UBE2E2: variants seen among roughly 807,000 people sequenced by gnomAD.
UBE2E2 encodes the protein ubiquitin-conjugating enzyme E2 E2.
Under a neutral mutation model 24.7 loss-of-function variants are expected in UBE2E2, and 6 were observed. The ratio of observed to expected loss-of-function variants is 0.24; its 90% CI spans 0.13 to 0.48. UBE2E2 has a LOEUF of 0.48. Among genes scored for constraint, UBE2E2 ranks in the 20% least tolerant of loss-of-function variants. The pLI, the probability that UBE2E2 is intolerant of heterozygous loss-of-function variation, is 0.99. For synonymous variants in UBE2E2, 104 were observed against 83.6 expected (o/e 1.24, Z -1.33); for missense variants, 169 against 245.0 (o/e 0.69, Z 2.07).
At chr3:23,209,041 A>G (rs1188932718) in intron 2 of UBE2E2, among the ~76,000 whole-genome samples, 166 bp downstream of exon 2, 1 of 152,144 alleles carries the variant, frequency 6.6e-6, no homozygotes, top group Non-Finnish European at 1.5e-5. Flanking sequence ...ACCATAGGGA[A>G]CTTCAGTATT....
At position 23,523,824 on chromosome 3, in the gene UBE2E2, G is replaced by C. The variant is rs1024213609; in HGVS notation, c.361-8730G>C. On this transcript the variant is annotated intron_variant, in intron 4 of 5. Coordinates refer to ENST00000396703, the MANE Select transcript of UBE2E2 (RefSeq NM_152653.4). Reference sequence around the variant, plus strand: ...AGAGCACTTGAAATCTCAAAGAGGGGATTTTTTTTTTTTATGTATACTAAC... The same window carrying C: ...AGAGCACTTGAAATCTCAAAGAGGGCATTTTTTTTTTTTATGTATACTAAC... Among the ~76,000 whole-genome samples, 15 of 98,324 alleles carry C rather than the reference G, an allele frequency of 1.5e-4. No individual in the cohort carries two copies. In the East Asian group the frequency reaches 4.1e-3, roughly 27 times the overall value. The allele number at this position is 98,324 out of a possible 152,430, so 64.5% of individuals were successfully genotyped here.
intron 3 of UBE2E2, among the ~76,000 whole-genome samples, chr3:23,364,072 A>G (rs1201715729): frequency 6.6e-6 from 1 of 152,170 alleles, no homozygotes; most frequent in Non-Finnish European, 1.5e-5. Flanking sequence ...TTAAGGCAGA[A>G]ACCAAGTACA....
chr3:23,255,032 G>A (rs1697676963), intron 3 of UBE2E2, among the ~76,000 whole-genome samples: 1 of 148,338 alleles, frequency 6.7e-6, no homozygotes, highest in Non-Finnish European at 1.5e-5. Flanking sequence ...GCCATCTTAA[G>A]AACAGTTCGT....
intron 3 of UBE2E2, among the ~76,000 whole-genome samples, chr3:23,326,770 C>T (rs1694902179): frequency 6.6e-6 from 1 of 152,166 alleles, no homozygotes; most frequent in East Asian, 1.9e-4. Flanking sequence ...GTGCGCTGCA[C>T]CCATTAACTC....
chr3:23,355,101 T>C (rs1695902548), intron 3 of UBE2E2, among the ~76,000 whole-genome samples: 1 of 151,458 alleles, frequency 6.6e-6, no homozygotes, highest in South Asian at 2.1e-4. Context: ...AAATTGGAAA[T>C]CATCATTCTC....
At chr3:23,268,705 T>C (rs1213385151) in intron 3 of UBE2E2, among the ~76,000 whole-genome samples, 1 of 149,654 alleles carries the variant, frequency 6.7e-6, no homozygotes, top group East Asian at 2.0e-4. Context: ...AAAACTACTT[T>C]AAAGTTCATA....
chr3:23,586,890 A>G (rs1018989342), intron 5 of UBE2E2, among the ~76,000 whole-genome samples: 12 of 141,016 alleles, frequency 8.5e-5, no homozygotes, highest in Non-Finnish European at 1.4e-4. Context: ...TTACAAAAGC[A>G]GACTATAAAT....
At chr3:23,458,429 T>TG (rs1390149541) in intron 3 of UBE2E2, among the ~76,000 whole-genome samples, 20 of 73,198 alleles carry the variant, frequency 2.7e-4, no homozygotes, top group African/African-American at 6.7e-4. Context: ...TGGTGGTGGT[T>TG]GTTGTTGTTT....
chr3:23,531,509 G>A (rs1695122495), intron 4 of UBE2E2, among the ~76,000 whole-genome samples: 1 of 152,138 alleles, frequency 6.6e-6, no homozygotes, highest in Admixed American at 6.5e-5. Flanking sequence ...CAGTTGAAGT[G>A]TTTTACAAAT....
chr3:23,268,036 G>C (rs1482810555), intron 3 of UBE2E2, among the ~76,000 whole-genome samples: 3 of 151,458 alleles, frequency 2.0e-5, no homozygotes, highest in Non-Finnish European at 3.0e-5. Flanking sequence ...CAATAAATTA[G>C]GTATTGATGG....
chr3:23,392,245 A>G (rs1696956106), intron 3 of UBE2E2, among the ~76,000 whole-genome samples: 1 of 152,216 alleles, frequency 6.6e-6, no homozygotes, highest in South Asian at 2.1e-4. Context: ...TTATGCTAGC[A>G]CACTCAACCA....
chr3:23,454,871 G>A (rs1698641782), intron 3 of UBE2E2, among the ~76,000 whole-genome samples: 1 of 152,114 alleles, frequency 6.6e-6, no homozygotes, highest in African/African-American at 2.4e-5. Flanking sequence ...TTTGAACTTT[G>A]CATAGAAAAT....
chr3:23,392,552 T>A (rs1022365298), intron 3 of UBE2E2, among the ~76,000 whole-genome samples: 7 of 152,130 alleles, frequency 4.6e-5, no homozygotes, highest in Non-Finnish European at 1.0e-4. Flanking sequence ...ATTAAGAGCA[T>A]CTACCTTATG....
intron 5 of UBE2E2, among the ~76,000 whole-genome samples, chr3:23,568,734 CATAT>C (rs147246103): frequency 3.8e-5 from 5 of 131,410 alleles, no homozygotes; most frequent in Middle Eastern, 3.6e-3. Context: ...TATATGTATA[CATAT>C]ATATATATAT....
At chr3:23,242,155 C>G (rs1559452894) in intron 3 of UBE2E2, among the ~76,000 whole-genome samples, 1 of 152,074 alleles carries the variant, frequency 6.6e-6, no homozygotes, top group African/African-American at 2.4e-5. Flanking sequence ...GACCTCCTGC[C>G]TTGACCTCCC....
chr3:23,575,478 A>G (rs1219222074), intron 5 of UBE2E2, among the ~76,000 whole-genome samples: 4 of 152,166 alleles, frequency 2.6e-5, no homozygotes, highest in South Asian at 2.1e-4. Context: ...GTGTTCCTTC[A>G]TATTAGAAAA....
At chr3:23,415,844 A>C (rs1697614175) in intron 3 of UBE2E2, among the ~76,000 whole-genome samples, 1 of 152,016 alleles carries the variant, frequency 6.6e-6, no homozygotes, top group Admixed American at 6.6e-5. Context: ...TGCTGCACCC[A>C]TCAACCCATC....
chr3:23,516,849 A>G (rs575438182), intron 4 of UBE2E2, among the ~76,000 whole-genome samples: 1 of 152,136 alleles, frequency 6.6e-6, no homozygotes, highest in Non-Finnish European at 1.5e-5. Context: ...CCATCCATCT[A>G]ATTGTGGGAC....
At chr3:23,372,816 A>G (rs1696430100) in intron 3 of UBE2E2, among the ~76,000 whole-genome samples, 1 of 152,226 alleles carries the variant, frequency 6.6e-6, no homozygotes, top group Non-Finnish European at 1.5e-5. Flanking sequence ...TATACATTTT[A>G]TGTCCATTTA....
Sources: gnomAD v4.1 joint callset for allele counts (sites outside exome capture counted in the v4.1 genomes callset) on GRCh38, gnomAD v4.1.1 for gene constraint, MANE v1.5 for transcripts, NCBI Gene and HGNC (gene_info 2026-07-23, HGNC 2026-07-21) for gene names.